ATF7IP2: variants seen among roughly 807,000 people sequenced by gnomAD.
ATF7IP2 encodes activating transcription factor 7-interacting protein 2.
Under a neutral mutation model 64.2 loss-of-function variants are expected in ATF7IP2, and 42 were observed. The observed-to-expected ratio is 0.65, with a 90% confidence interval of 0.51 to 0.85. The LOEUF (loss-of-function observed/expected upper bound fraction) is 0.85. Ranked by LOEUF, ATF7IP2 falls within the 40% of genes least tolerant of loss-of-function variation. ATF7IP2 has a pLI of 0.00. For missense variants in ATF7IP2, 933 were observed against 784.2 expected (o/e 1.19, Z -2.27); for synonymous variants, 308 against 272.8 (o/e 1.13, Z -1.27).
rs1264904323 is a variant in ATF7IP2 at position 10,468,034 on chromosome 16, C to T, written c.1353-4076C>T. ...AGCTGGGATTAAAGGCACGTGCCACCATGCCCGACTAATTTTGTATTTTTT... is the reference window on the plus strand; with the variant it reads ...AGCTGGGATTAAAGGCACGTGCCACTATGCCCGACTAATTTTGTATTTTTT... On this transcript the variant is annotated intron_variant, in intron 9 of 13. Coordinates refer to ENST00000562102, the MANE Select transcript of ATF7IP2 (RefSeq NM_001393719.1). Among the ~76,000 whole-genome samples, 3 of 151,878 alleles carry T rather than the reference C, an allele frequency of 2.0e-5. No individual in the cohort carries two copies. In the East Asian group the frequency reaches 5.8e-4, roughly 30 times the overall value.
chr16:10,403,593 A>G (rs1003812393), intron 1 of ATF7IP2, among the ~76,000 whole-genome samples: 4 of 152,226 alleles, frequency 2.6e-5, no homozygotes, highest in African/African-American at 7.2e-5. Context: ...GAACATAGGA[A>G]TTCCTTAGCA....
intron 6 of ATF7IP2, among the ~76,000 whole-genome samples, chr16:10,437,546 CA>C (rs1235729504): frequency 1.3e-5 from 2 of 152,028 alleles, no homozygotes; most frequent in Non-Finnish European, 2.9e-5. Context: ...ATCACTTGTT[CA>C]ACATTTATTA....
chr16:10,410,496 C>T (rs112362471), intron 1 of ATF7IP2, among the ~76,000 whole-genome samples: 30 of 152,252 alleles, frequency 2.0e-4, no homozygotes, highest in African/African-American at 7.0e-4. Flanking sequence ...AGAAACTTTG[C>T]TGAATTCTTT....
chr16:10,444,221 C>G (rs1455858117), intron 8 of ATF7IP2, among the ~76,000 whole-genome samples: 2 of 152,152 alleles, frequency 1.3e-5, no homozygotes, highest in African/African-American at 4.8e-5. Flanking sequence ...AAAGAGGGAG[C>G]AAATTAGACA....
chr16:10,474,402 A>G (rs2049928135), intron 12 of ATF7IP2, among the ~76,000 whole-genome samples: 1 of 152,176 alleles, frequency 6.6e-6, no homozygotes, highest in Non-Finnish European at 1.5e-5. Context: ...TTCTTTATTC[A>G]TAAACCCATT....
intron 8 of ATF7IP2, among the ~76,000 whole-genome samples, chr16:10,442,763 A>G (rs571974266): frequency 1.2e-4 from 8 of 67,680 alleles, no homozygotes; most frequent in African/African-American, 4.2e-4. Flanking sequence ...GTGCCATTCT[A>G]TTTTCACAGG....
intron 8 of ATF7IP2, among the ~76,000 whole-genome samples, chr16:10,445,144 G>C (rs2048759399): frequency 6.6e-6 from 1 of 152,188 alleles, no homozygotes. Context: ...CATAAACTCT[G>C]AGAACTGCAT....
intron 8 of ATF7IP2, 69 bp downstream of exon 8, chr16:10,440,531 G>T: frequency 1.1e-6 from 1 of 896,880 alleles, no homozygotes; most frequent in South Asian, 1.6e-5. Flanking sequence ...TAGAAGAAAT[G>T]AATATATTTC....
intron 6 of ATF7IP2, 78 bp from the exon 7 acceptor site, chr16:10,438,023 A>G (rs1038106290): frequency 1.7e-6 from 2 of 1,152,330 alleles, no homozygotes; most frequent in African/African-American, 3.2e-5. Context: ...GGAAAAGAGC[A>G]AGGCTTTTTA....
intron 1 of ATF7IP2, among the ~76,000 whole-genome samples, chr16:10,394,829 AGGTTTTG>A (rs1385072138): frequency 6.6e-6 from 1 of 152,174 alleles, no homozygotes; most frequent in African/African-American, 2.4e-5. Flanking sequence ...AACATATCAA[AGGTTTTG>A]GAGGGTACAA....
intron 4 of ATF7IP2, 148 bp downstream of exon 4, chr16:10,429,164 C>T (rs1465664697): frequency 6.6e-6 from 1 of 152,096 alleles, no homozygotes; most frequent in Non-Finnish European, 1.5e-5. Flanking sequence ...ATCATAAAAC[C>T]ATGCTAGAGG....
At chr16:10,427,500 C>T (rs1303979471) in intron 3 of ATF7IP2, among the ~76,000 whole-genome samples, 1 of 152,126 alleles carries the variant, frequency 6.6e-6, no homozygotes, top group Admixed American at 6.5e-5. Flanking sequence ...TTTTCAGTAT[C>T]TAGAAATTCA....
chr16:10,418,940 G>C (rs755192057), intron 2 of ATF7IP2, among the ~76,000 whole-genome samples: 3 of 152,202 alleles, frequency 2.0e-5, no homozygotes, highest in Non-Finnish European at 2.9e-5. Flanking sequence ...ACTGAACATA[G>C]TGTGGCCATG....
intron 12 of ATF7IP2, among the ~76,000 whole-genome samples, chr16:10,475,679 CG>C (rs2049975785): frequency 8.7e-6 from 1 of 115,454 alleles, no homozygotes; most frequent in Non-Finnish European, 1.6e-5. Context: ...GGCAACAGAG[CG>C]AAACTCCGTC....
In ATF7IP2 at chr16:10,482,431, T is replaced by G; in HGVS notation, c.*182T>G. On this transcript the variant is annotated 3_prime_UTR_variant, in exon 14 of 14. Transcript: ENST00000562102. ...ATGAATTTCTGGTTTGTATTAAATA[T>G]GTCCTTCCAATGGATAAGTTCTAAA... The G allele has an allele frequency of 1.9e-6, 1 of 524,902 alleles. No homozygotes were observed. The highest frequency in any genetic ancestry group is 3.3e-6 in the Non-Finnish European group (1 of 301,986). 32.5% of individuals were successfully genotyped at this position (524,902 alleles called of 1,614,324 possible). A position where few individuals can be genotyped will look rare whatever the true frequency, so the allele number is the denominator to read the frequency against.
intron 1 of ATF7IP2, among the ~76,000 whole-genome samples, chr16:10,398,887 G>T (rs897289293): frequency 2.8e-4 from 42 of 152,192 alleles, no homozygotes; most frequent in Non-Finnish European, 5.6e-4. Context: ...GCCGAGGCAG[G>T]CAGATCACCT....
At chr16:10,476,347 A>G (rs1219456540) in intron 12 of ATF7IP2, among the ~76,000 whole-genome samples, 1 of 152,204 alleles carries the variant, frequency 6.6e-6, no homozygotes, top group East Asian at 1.9e-4. Context: ...TTCATAAAAT[A>G]TATTAGTTAC....
At chr16:10,459,696 A>G (rs2049308653) in intron 9 of ATF7IP2, among the ~76,000 whole-genome samples, 1 of 152,190 alleles carries the variant, frequency 6.6e-6, no homozygotes, top group African/African-American at 2.4e-5. Context: ...AAAAACCATT[A>G]TCAACTCACA....
intron 1 of ATF7IP2, among the ~76,000 whole-genome samples, chr16:10,408,956 G>A (rs534154407): frequency 5.9e-5 from 9 of 152,310 alleles, no homozygotes; most frequent in Non-Finnish European, 1.2e-4. Flanking sequence ...GGTTCGCAAA[G>A]TGAAACCAGC....
Sources: gnomAD v4.1 joint callset for allele counts (sites outside exome capture counted in the v4.1 genomes callset) on GRCh38, gnomAD v4.1.1 for gene constraint, MANE v1.5 for transcripts, NCBI Gene and HGNC (gene_info 2026-07-23, HGNC 2026-07-21) for gene names.